Variants in AP2M1 observed in about 807,000 individuals in gnomAD.
The protein encoded by AP2M1 is adaptor related protein complex 2 subunit mu 1.
AP2M1 carries 5 observed loss-of-function variants against 54.5 expected under a neutral mutation model. The ratio of observed to expected loss-of-function variants is 0.09; its 90% CI spans 0.05 to 0.19. AP2M1 has a LOEUF of 0.19. AP2M1 is among the 10% of genes least tolerant of loss of function. The pLI is 1.00. For missense variants in AP2M1, 178 were observed against 580.2 expected, an observed-to-expected ratio of 0.31 and a Z score of 7.12; for synonymous variants, 186 against 208.2, an observed-to-expected ratio of 0.89 and a Z score of 0.92.
In AP2M1 at chr3:184,182,080, C is replaced by T. The variant is rs1715292558; in HGVS notation, c.963+33C>T. 1.2e-6 allele frequency: 2 copies of T among 1,611,252 alleles called. No individual in the cohort carries two copies. The highest frequency in any genetic ancestry group is 1.7e-6 in the Non-Finnish European group (2 of 1,178,218). On this transcript the variant is annotated intron_variant, in intron 9 of 11. Transcript: ENST00000292807. The surrounding 1 kb of genome is among the most constrained non-coding windows in gnomAD (Gnocchi z 5.5). ...CAGGGGGCTCAAGGAGGAGGAAGAACTTGTCCCTAGGAATAAAGGTAGCTG... is the reference window on the plus strand; with the variant it reads ...CAGGGGGCTCAAGGAGGAGGAAGAATTTGTCCCTAGGAATAAAGGTAGCTG...
In AP2M1 at chr3:184,181,177, A is replaced by G; in HGVS notation, c.658A>G (p.Ile220Val). Residue 220 changes from isoleucine (I) to valine (V), a missense_variant, in exon 7 of 12, where the codon ATT becomes GTT. By Grantham distance (29) the Ile-to-Val change is conservative. This residue lies in a region of AP2M1 where 115 missense variants were observed against 331.2 expected (regional missense o/e 0.35). Coordinates refer to ENST00000292807, the MANE Select transcript of AP2M1 (RefSeq NM_004068.4). This position sits in a 1 kb window ranked among gnomAD's most constrained non-coding sequence, Gnocchi z 5.7. ...ATGCAAGTTTGGGATGAATGACAAG[A>G]TTGTTATTGAAAAGCAGGGCAAAGG... ...PECKFGMNDK[I>V]VIEKQGKGTA... 1 of 1,614,160 alleles carries G rather than the reference A, an allele frequency of 6.2e-7. No homozygotes were observed. Among genetic ancestry groups the G allele is most frequent in the Non-Finnish European group, 8.5e-7 (1 of 1,180,026 alleles).
chr3:184,180,825 C>T lies in AP2M1; in HGVS notation c.430-24C>T. The T allele has an allele frequency of 6.2e-7, 1 of 1,614,234 alleles. No homozygotes were observed. Among genetic ancestry groups the T allele is most frequent in the Non-Finnish European group, 8.5e-7 (1 of 1,180,044 alleles). ...AAGGGACAGAGGAGTGAGGCCATTGCTGTTTGTTTCTGCCCTCATGTAGAC... is the reference window on the plus strand; with the variant it reads ...AAGGGACAGAGGAGTGAGGCCATTGTTGTTTGTTTCTGCCCTCATGTAGAC... On this transcript the variant is annotated intron_variant, in intron 5 of 11. Coordinates refer to ENST00000292807, the MANE Select transcript of AP2M1 (RefSeq NM_004068.4). This position sits in a 1 kb window ranked among gnomAD's most constrained non-coding sequence, Gnocchi z 4.9.
In AP2M1 at chr3:184,181,035, G is replaced by C. The variant is rs759145015; in HGVS notation, c.566-50G>C. 1.2e-6 allele frequency: 2 copies of C among 1,614,018 alleles called. No individual in the cohort carries two copies. Among genetic ancestry groups the C allele is most frequent in the Non-Finnish European group, 1.7e-6 (2 of 1,179,934 alleles). ...GGAGGGGGCCCAGGGCAGGATCCTG[G>C]GCCTGCCTGCCTGACTCCGCTGCTC... On this transcript the variant is annotated intron_variant, in intron 6 of 11. Transcript: ENST00000292807. The surrounding 1 kb of genome is among the most constrained non-coding windows in gnomAD (Gnocchi z 5.7).
At chr3:184,179,389 C>G in intron 3 of AP2M1, 1 of 470,444 alleles carries the variant, frequency 2.1e-6, no homozygotes, top group Non-Finnish European at 3.9e-6. Context: ...GGTGGCTGAA[C>G]CTCCTGTATT....
Position 184,181,064 on chromosome 3 carries a change from A to G in AP2M1, c.566-21A>G, listed in dbSNP as rs755145036. On this transcript the variant is annotated intron_variant, in intron 6 of 11. Transcript: ENST00000292807. The surrounding 1 kb of genome is among the most constrained non-coding windows in gnomAD (Gnocchi z 5.7). ...TGCCTGCCTGACTCCGCTGCTCCCC[A>G]TTTATCTGTTCCATCACCAGGGCAG... is the stretch of plus-strand genomic sequence containing the variant. 1.2e-6 allele frequency: 2 copies of G among 1,614,028 alleles called. No homozygotes were observed. The highest frequency in any genetic ancestry group is 1.1e-5 in the South Asian group (1 of 91,042).
chr3:184,180,317 G>C lies in AP2M1; in HGVS notation c.423+66G>C, dbSNP rs1715229192. The C allele has an allele frequency of 1.9e-6, 3 of 1,566,282 alleles. No homozygotes were observed. The South Asian group carries it at 3.4e-5, about 18-fold the overall frequency. On this transcript the variant is annotated intron_variant, in intron 4 of 11. Transcript: ENST00000292807. This position sits in a 1 kb window ranked among gnomAD's most constrained non-coding sequence, Gnocchi z 4.9. ...TCTCCCTTCATCTCAGCTGGCCCCT[G>C]AGCCTTGTCTGAGCTGACTCATGAG...
At chr3:184,176,574 C>CGCAG (rs889242404) in intron 1 of AP2M1, among the ~76,000 whole-genome samples, 32 of 152,122 alleles carry the variant, frequency 2.1e-4, no homozygotes, top group Middle Eastern at 3.4e-3. Flanking sequence ...TTCCTGCAGC[C>CGCAG]GCAGGCAGGC....
chr3:184,176,572 G>C (rs1481174701), intron 1 of AP2M1, among the ~76,000 whole-genome samples: 7 of 152,134 alleles, frequency 4.6e-5, no homozygotes, highest in Admixed American at 2.0e-4. Flanking sequence ...CATTCCTGCA[G>C]CCGCAGGCAG....
Position 184,184,023 on chromosome 3 carries a change from AGTGTGAGCTTCATTTTGTACAC to A in AP2M1, c.*414_*435del, listed in dbSNP as rs892039934. The A allele has an allele frequency of 1.5e-5, 3 of 196,070 alleles. No homozygotes were observed. Among genetic ancestry groups the A allele is most frequent in the African/African-American group, 6.8e-5 (3 of 43,876 alleles). The allele number at this position is 196,070 out of a possible 1,614,324, so 12.1% of individuals were successfully genotyped here. ...CTCAGTCCCTACTCTGCTTTGGGAT[AGTGTGAGCTTCATTTTGTACAC>A]GTGTGACTTCGTCCAGTTACAAACC... On this transcript the variant is annotated 3_prime_UTR_variant, in exon 12 of 12. Transcript: ENST00000292807.
rs955481116 is a variant in AP2M1, at chr3:184,178,181, C to T, written c.75-676C>T. 21 of 1,534,460 alleles carry T rather than the reference C, an allele frequency of 1.4e-5. No homozygotes were observed. In the African/African-American group the frequency reaches 1.6e-4, roughly 12 times the overall value. ...GCTATCACTCTCCTCTTCTTGCTGGCGTCATTTCTCTCATCCCATCTCATT... is the reference window on the plus strand; with the variant it reads ...GCTATCACTCTCCTCTTCTTGCTGGTGTCATTTCTCTCATCCCATCTCATT... On this transcript the variant is annotated intron_variant, in intron 2 of 11. Coordinates refer to ENST00000292807, the MANE Select transcript of AP2M1 (RefSeq NM_004068.4). This position sits in a 1 kb window ranked among gnomAD's most constrained non-coding sequence, Gnocchi z 4.9.
intron 2 of AP2M1, 107 bp downstream of exon 2, chr3:184,177,174 C>G: frequency 9.0e-7 from 1 of 1,109,506 alleles, no homozygotes; most frequent in East Asian, 2.6e-5. Context: ...GCCACCCTGA[C>G]CCCTGGCTGC....
chr3:184,177,729 C>T, intron 2 of AP2M1: 4 of 996,620 alleles, frequency 4.0e-6, no homozygotes. Flanking sequence ...CCTTCTCATT[C>T]TGCGCCCCCT....
Position 184,181,321 on chromosome 3 carries a change from CTG to C in AP2M1, c.707+97_707+98del. On this transcript the variant is annotated intron_variant, in intron 7 of 11. Coordinates refer to ENST00000292807, the MANE Select transcript of AP2M1 (RefSeq NM_004068.4). The surrounding 1 kb of genome is among the most constrained non-coding windows in gnomAD (Gnocchi z 5.7). ...AAGTTTCTTCTGGATTTCATTCCCA[CTG>C]TAATTGCAAACTCTGTTCCTGACGG... The C allele has an allele frequency of 6.4e-7, 1 of 1,552,238 alleles. No individual in the cohort carries two copies. The highest frequency in any genetic ancestry group is 8.8e-7 in the Non-Finnish European group (1 of 1,137,294).
At position 184,177,081 on chromosome 3, in the gene AP2M1, C is replaced by T. The variant is rs772599064; in HGVS notation, c.74+14C>T. On this transcript the variant is annotated intron_variant, in intron 2 of 11. Coordinates refer to ENST00000292807, the MANE Select transcript of AP2M1 (RefSeq NM_004068.4). ...AGATGACATCGGGTGAGTCCCCTGGCGGAGCCAGCTGTGCCCCACCACTCC... is the reference window on the plus strand; with the variant it reads ...AGATGACATCGGGTGAGTCCCCTGGTGGAGCCAGCTGTGCCCCACCACTCC... 77 of 1,611,442 alleles carry T rather than the reference C, an allele frequency of 4.8e-5. 1 individual carries two copies. Among genetic ancestry groups the T allele is most frequent in the South Asian group, 1.9e-4 (17 of 90,768 alleles).
chr3:184,180,291 A>G lies in AP2M1; in HGVS notation c.423+40A>G. Reference sequence around the variant, plus strand: ...CAGACTATAGTCAGGGTGGAGTCCAATCTCCCTTCATCTCAGCTGGCCCCT... The same window carrying G: ...CAGACTATAGTCAGGGTGGAGTCCAGTCTCCCTTCATCTCAGCTGGCCCCT... On this transcript the variant is annotated intron_variant, in intron 4 of 11. Coordinates refer to ENST00000292807, the MANE Select transcript of AP2M1 (RefSeq NM_004068.4). This position sits in a 1 kb window ranked among gnomAD's most constrained non-coding sequence, Gnocchi z 4.9. 7 of 1,599,244 alleles carry G rather than the reference A, an allele frequency of 4.4e-6. No individual in the cohort carries two copies. The highest frequency in any genetic ancestry group is 2.2e-5 in the East Asian group (1 of 44,756).
Position 184,182,087 on chromosome 3 carries a change from C to G in AP2M1, c.963+40C>G. The stretch of plus-strand genomic sequence containing the variant: ...CTCAAGGAGGAGGAAGAACTTGTCC[C>G]TAGGAATAAAGGTAGCTGATGTCAC... On this transcript the variant is annotated intron_variant, in intron 9 of 11. Coordinates refer to ENST00000292807, the MANE Select transcript of AP2M1 (RefSeq NM_004068.4). The surrounding 1 kb of genome is among the most constrained non-coding windows in gnomAD (Gnocchi z 5.5). 6.2e-7 allele frequency: 1 copy of G among 1,611,172 alleles called. No homozygotes were observed. The highest frequency in any genetic ancestry group is 8.5e-7 in the Non-Finnish European group (1 of 1,178,106).
chr3:184,182,002 C>G lies in AP2M1; in HGVS notation c.918C>G (p.Val306=). Residue 306 remains valine (V), a synonymous_variant, in exon 9 of 12, where the codon GTC becomes GTG. Coordinates refer to ENST00000292807, the MANE Select transcript of AP2M1 (RefSeq NM_004068.4). This position sits in a 1 kb window ranked among gnomAD's most constrained non-coding sequence, Gnocchi z 5.5. ...VGRTKLEVKV[V]IKSNFKPSLL... ...GCACCAAACTGGAGGTCAAGGTGGT[C>G]ATCAAGTCCAACTTTAAACCCTCAC... The G allele has an allele frequency of 6.2e-7, 1 of 1,614,140 alleles. No individual in the cohort carries two copies. Among genetic ancestry groups the G allele is most frequent in the Non-Finnish European group, 8.5e-7 (1 of 1,180,002 alleles).
chr3:184,177,074 C>A lies in AP2M1; in HGVS notation c.74+7C>A, dbSNP rs746308252. 2.5e-6 allele frequency: 4 copies of A among 1,612,638 alleles called. No individual in the cohort carries two copies. Among genetic ancestry groups the A allele is most frequent in the Non-Finnish European group, 3.4e-6 (4 of 1,179,426 alleles). On this transcript the variant is annotated splice_region_variant and intron_variant, in intron 2 of 11. Transcript: ENST00000292807. ...TCTACCGAGATGACATCGGGTGAGT[C>A]CCCTGGCGGAGCCAGCTGTGCCCCA...
At position 184,178,262 on chromosome 3, in the gene AP2M1, G is replaced by A; in HGVS notation, c.75-595G>A. 3 of 1,533,942 alleles carry A rather than the reference G, an allele frequency of 2.0e-6. No individual in the cohort carries two copies. The highest frequency in any genetic ancestry group is 1.4e-5 in the African/African-American group (1 of 73,128). On this transcript the variant is annotated intron_variant, in intron 2 of 11. Transcript: ENST00000292807. The surrounding 1 kb of genome is among the most constrained non-coding windows in gnomAD (Gnocchi z 4.9). ...CAAGCTGCTGCCCAGGTACAGGTGG[G>A]TGGGGGCCTGCCCCCATCGTTTTCC...
Sources: gnomAD v4.1 joint callset for allele counts (sites outside exome capture counted in the v4.1 genomes callset) on GRCh38, gnomAD v4.1.1 for gene constraint, gnomAD v4.1.1 regional missense constraint, Gnocchi (gnomAD v3.1) non-coding constraint, MANE v1.5 for transcripts, NCBI Gene and HGNC (gene_info 2026-07-23, HGNC 2026-07-21) for gene names.